SLC35F3: variants seen among roughly 807,000 people sequenced by gnomAD.
SLC35F3 encodes solute carrier family 35 member F3.
In SLC35F3, 25 loss-of-function variants were observed where a neutral mutation model predicts 49.9. The ratio of observed to expected loss-of-function variants is 0.50; its 90% CI spans 0.37 to 0.70. The LOEUF (loss-of-function observed/expected upper bound fraction) is 0.70. Among genes scored for constraint, SLC35F3 ranks in the 30% least tolerant of loss-of-function variants. The pLI is 0.00. For missense variants in SLC35F3, 525 were observed against 639.8 expected, an observed-to-expected ratio of 0.82 and a Z score of 1.94; for synonymous variants, 275 against 265.4, an observed-to-expected ratio of 1.04 and a Z score of -0.35.
At chr1:234,185,441 A>T (rs1002964843) in intron 2 of SLC35F3, among the ~76,000 whole-genome samples, 1 of 152,240 alleles carries the variant, frequency 6.6e-6, no homozygotes, top group Non-Finnish European at 1.5e-5. Context: ...AATACATTTC[A>T]TTTTGTAATT....
intron 2 of SLC35F3, among the ~76,000 whole-genome samples, chr1:234,150,913 A>C (rs78416039): frequency 0.017 from 2,629 of 152,342 alleles, 84 homozygotes; most frequent in African/African-American, 0.058. Flanking sequence ...AAAAGGACCC[A>C]AAATTGCCAT....
chr1:234,189,880 C>A (rs1666706244), intron 2 of SLC35F3, among the ~76,000 whole-genome samples: 1 of 152,140 alleles, frequency 6.6e-6, no homozygotes, highest in South Asian at 2.1e-4. Context: ...TCAACAGAAA[C>A]CATACAAGCT....
intron 2 of SLC35F3, among the ~76,000 whole-genome samples, chr1:234,087,781 C>T (rs1456446118): frequency 6.6e-6 from 1 of 152,136 alleles, no homozygotes; most frequent in Non-Finnish European, 1.5e-5. Context: ...AGCTCATTTC[C>T]CTCTGCCCTC....
intron 3 of SLC35F3, among the ~76,000 whole-genome samples, chr1:234,298,695 CT>C (rs1668645309): frequency 6.6e-6 from 1 of 152,224 alleles, no homozygotes; most frequent in Admixed American, 6.5e-5. Flanking sequence ...ACTATTATAA[CT>C]CTTCTCTGAT....
chr1:234,171,107 C>A (rs1316194585), intron 2 of SLC35F3, among the ~76,000 whole-genome samples: 1 of 152,200 alleles, frequency 6.6e-6, no homozygotes, highest in East Asian at 1.9e-4. Context: ...CCTGAAACCA[C>A]CAGCAGCACC....
intron 7 of SLC35F3, among the ~76,000 whole-genome samples, chr1:234,322,661 G>A (rs1413015810): frequency 1.4e-5 from 2 of 143,472 alleles, no homozygotes; most frequent in South Asian, 2.1e-4. Context: ...GTGTGTGTGT[G>A]TGTGTGTGTG....
intron 2 of SLC35F3, among the ~76,000 whole-genome samples, chr1:233,996,996 A>G (rs1259818371): frequency 1.3e-5 from 2 of 152,108 alleles, no homozygotes; most frequent in Non-Finnish European, 1.5e-5. Flanking sequence ...TGTAAGTGAG[A>G]TCATCTGGTA....
chr1:234,140,469 GA>G (rs1156337880), intron 2 of SLC35F3, among the ~76,000 whole-genome samples: 4 of 152,066 alleles, frequency 2.6e-5, no homozygotes, highest in African/African-American at 4.8e-5. Flanking sequence ...ATGTATGTGG[GA>G]AAAAAACATA....
chr1:234,146,504 T>TTTTTTTTTTTTTTTTTTTTTTTG (rs1665999323), intron 2 of SLC35F3, among the ~76,000 whole-genome samples: 1 of 144,744 alleles, frequency 6.9e-6, no homozygotes, highest in Non-Finnish European at 1.5e-5. Context: ...TTTTTTTTTT[T>TTTTTTTTTTTTTTTTTTTTTTTG]TCTGGAGACG....
chr1:234,252,914 G>C (rs1260939224), intron 3 of SLC35F3, among the ~76,000 whole-genome samples: 1 of 152,194 alleles, frequency 6.6e-6, no homozygotes, highest in Non-Finnish European at 1.5e-5. Context: ...GGACGATAAA[G>C]TTTGAACATG....
rs542668831 is a variant in SLC35F3, at chr1:233,954,777, G to C, written c.283+49019G>C. 3.9e-5 allele frequency among the ~76,000 whole-genome samples: 6 copies of C among 152,314 alleles called. No individual in the cohort carries two copies. In the East Asian group the frequency reaches 1.2e-3, roughly 29 times the overall value. ...CTCCCTGATAAGCATAGCAAACCAGGAAGATAGAAGAAGGCTGGGTCTTTG... is the reference window on the plus strand; with the variant it reads ...CTCCCTGATAAGCATAGCAAACCAGCAAGATAGAAGAAGGCTGGGTCTTTG... On this transcript the variant is annotated intron_variant, in intron 2 of 7. Coordinates refer to ENST00000366618, the MANE Select transcript of SLC35F3 (RefSeq NM_173508.4).
intron 2 of SLC35F3, among the ~76,000 whole-genome samples, chr1:234,222,124 A>G (rs1667215716): frequency 6.6e-6 from 1 of 152,236 alleles, no homozygotes; most frequent in Non-Finnish European, 1.5e-5. Flanking sequence ...AACTTGCTCC[A>G]TGAGACAGAA....
intron 2 of SLC35F3, among the ~76,000 whole-genome samples, chr1:233,976,803 G>T (rs1663092783): frequency 6.6e-6 from 1 of 152,080 alleles, no homozygotes; most frequent in Non-Finnish European, 1.5e-5. Flanking sequence ...TAGAGACATG[G>T]TTTCACCATG....
chr1:234,091,718 C>A (rs1558226933), intron 2 of SLC35F3, among the ~76,000 whole-genome samples: 1 of 152,072 alleles, frequency 6.6e-6, no homozygotes, highest in Non-Finnish European at 1.5e-5. Context: ...TTTAAATGAG[C>A]CTCTTCCCTA....
intron 2 of SLC35F3, among the ~76,000 whole-genome samples, chr1:234,174,730 G>A (rs1056729905): frequency 1.3e-5 from 2 of 152,246 alleles, no homozygotes; most frequent in Non-Finnish European, 2.9e-5. Context: ...AATGTGAGCA[G>A]GAGGCTGGAA....
intron 2 of SLC35F3, chr1:234,212,677 C>CTTAA (rs1009330926): frequency 8.5e-5 from 13 of 152,224 alleles, no homozygotes; most frequent in Admixed American, 7.2e-4. Flanking sequence ...ATAGCATGTG[C>CTTAA]TTAAAAACGT....
At chr1:233,906,149 G>C (rs1006848188) in intron 2 of SLC35F3, among the ~76,000 whole-genome samples, 1 of 152,196 alleles carries the variant, frequency 6.6e-6, no homozygotes, top group African/African-American at 2.4e-5. Context: ...ACCAGGCTCA[G>C]ATGGAGATGC....
At chr1:234,282,077 G>C (rs1668335819) in intron 3 of SLC35F3, among the ~76,000 whole-genome samples, 2 of 152,140 alleles carry the variant, frequency 1.3e-5, no homozygotes, top group African/African-American at 4.8e-5. Context: ...TGGAACAAAG[G>C]CCTCTCTCAA....
chr1:234,297,490 T>A (rs1668621708), intron 3 of SLC35F3, among the ~76,000 whole-genome samples: 1 of 152,188 alleles, frequency 6.6e-6, no homozygotes. Context: ...CTGGGCAACA[T>A]CGATGGACTT....
Sources: allele counts gnomAD v4.1 joint callset (sites outside exome capture counted in the v4.1 genomes callset), GRCh38; gene constraint gnomAD v4.1.1; transcripts MANE v1.5; gene names NCBI Gene and HGNC (gene_info 2026-07-23, HGNC 2026-07-21).